Variants in CNTN4 observed in about 807,000 individuals in gnomAD.
CNTN4 encodes contactin-4.
Under a neutral mutation model 122.5 loss-of-function variants are expected in CNTN4, and 77 were observed. That is an observed-to-expected ratio of 0.63 (90% CI 0.52 to 0.76). The LOEUF is 0.76. CNTN4 is among the 30% of genes least tolerant of loss of function. The probability of loss-of-function intolerance (pLI) is 0.00; values close to 1 mark genes in which losing one functional copy is unlikely to be tolerated. For missense variants in CNTN4, 1,256 were observed against 1,259.1 expected (o/e 1.00, Z 0.04); for synonymous variants, 512 against 447.0 (o/e 1.15, Z -1.83).
intron 2 of CNTN4, among the ~76,000 whole-genome samples, chr3:2,253,440 C>G (rs2040451522): frequency 6.6e-6 from 1 of 152,058 alleles, no homozygotes; most frequent in Non-Finnish European, 1.5e-5. Context: ...AACAAAAGAA[C>G]AAATATTCTG....
At chr3:2,179,157 C>T (rs956301918) in intron 2 of CNTN4, among the ~76,000 whole-genome samples, 3 of 151,938 alleles carry the variant, frequency 2.0e-5, no homozygotes, top group African/African-American at 7.3e-5. Flanking sequence ...AACAAAGCTG[C>T]GCTGGTGTGG....
intron 2 of CNTN4, among the ~76,000 whole-genome samples, chr3:2,295,733 T>C (rs956851980): frequency 6.6e-6 from 1 of 152,164 alleles, no homozygotes; most frequent in Non-Finnish European, 1.5e-5. Context: ...TTTGGTGTTT[T>C]AGACATGAAG....
chr3:3,043,683 G>C lies in CNTN4; in HGVS notation c.2790G>C (p.Glu930Asp). The C allele has an allele frequency of 6.2e-7, 1 of 1,613,040 alleles. No homozygotes were observed. The highest frequency in any genetic ancestry group is 2.2e-5 in the East Asian group (1 of 44,880). ...NWDQVKALDN[E>D]SEVKGYKVLY... ...ATCAAGTGAAGGCCCTGGATAATGAGTCGGAAGTAAAAGGATACAAAGTAG... is the reference window on the plus strand; with the variant it reads ...ATCAAGTGAAGGCCCTGGATAATGACTCGGAAGTAAAAGGATACAAAGTAG... The change falls in exon 23 of 25, where the codon GAG becomes GAC. Residue 930 changes from glutamate to aspartate, a missense_variant. By Grantham distance (45) the Glu-to-Asp change is conservative. Coordinates refer to ENST00000418658, the MANE Select transcript of CNTN4 (RefSeq NM_175607.3).
At chr3:2,507,172 T>C (rs1362546457) in intron 3 of CNTN4, among the ~76,000 whole-genome samples, 1 of 152,134 alleles carries the variant, frequency 6.6e-6, no homozygotes, top group East Asian at 1.9e-4. Context: ...GTATTCCAAC[T>C]ATAAGAACCC....
chr3:2,736,742 C>T (rs1254874908), intron 5 of CNTN4, among the ~76,000 whole-genome samples: 2 of 151,788 alleles, frequency 1.3e-5, no homozygotes, highest in Non-Finnish European at 2.9e-5. Context: ...GGATTACAGG[C>T]GTGAGCCACC....
chr3:3,014,084 ACACC>A (rs1697508581), intron 14 of CNTN4, among the ~76,000 whole-genome samples: 2 of 142,448 alleles, frequency 1.4e-5, no homozygotes, highest in Non-Finnish European at 3.1e-5. Flanking sequence ...ACACACACAC[ACACC>A]CCTAGGGGTT....
chr3:2,921,669 G>A (rs1296977241), intron 12 of CNTN4, among the ~76,000 whole-genome samples: 1 of 152,132 alleles, frequency 6.6e-6, no homozygotes, highest in Non-Finnish European at 1.5e-5. Flanking sequence ...CACAGACTGT[G>A]ATAGAACTGG....
chr3:2,752,631 G>A (rs183235077), intron 6 of CNTN4, among the ~76,000 whole-genome samples: 2 of 152,234 alleles, frequency 1.3e-5, no homozygotes, highest in Non-Finnish European at 2.9e-5. Context: ...GATTACAGGC[G>A]TGAGCCACCG....
chr3:2,776,475 C>G (rs1268109898), intron 6 of CNTN4, among the ~76,000 whole-genome samples: 1 of 152,112 alleles, frequency 6.6e-6, no homozygotes, highest in Non-Finnish European at 1.5e-5. Context: ...TAATCTATAA[C>G]AGAAAGTCAG....
chr3:2,925,840 TA>T, intron 13 of CNTN4, 61 bp downstream of exon 13: 1 of 1,438,768 alleles, frequency 7.0e-7, no homozygotes, highest in Non-Finnish European at 9.7e-7. Context: ...GGTCTGTTAT[TA>T]ATAATTCTAA....
At chr3:3,020,267 A>G (rs1055721808) in intron 14 of CNTN4, among the ~76,000 whole-genome samples, 1 of 152,212 alleles carries the variant, frequency 6.6e-6, no homozygotes, top group African/African-American at 2.4e-5. Flanking sequence ...TAGGAACAGA[A>G]CTAGGCACCA....
At chr3:2,981,995 A>G (rs344392) in intron 13 of CNTN4, among the ~76,000 whole-genome samples, 77,195 of 151,906 alleles carry the variant, frequency 0.51, 20,481 homozygotes, top group African/African-American at 0.66. Flanking sequence ...CCGAGATCGT[A>G]CCACTGCACT....
intron 7 of CNTN4, among the ~76,000 whole-genome samples, chr3:2,830,026 A>G (rs1392312103): frequency 6.8e-6 from 1 of 145,990 alleles, no homozygotes; most frequent in African/African-American, 2.7e-5. Context: ...TATTGTTCAG[A>G]AAAAAAATAA....
intron 4 of CNTN4, among the ~76,000 whole-genome samples, chr3:2,585,353 G>T (rs967062175): frequency 6.6e-6 from 1 of 151,192 alleles, no homozygotes; most frequent in African/African-American, 2.4e-5. Context: ...ATACCCAAGG[G>T]ATTATAAATC....
At chr3:3,042,272 G>C in intron 20 of CNTN4, 38 bp from the exon 21 acceptor site, 1 of 1,351,856 alleles carries the variant, frequency 7.4e-7, no homozygotes, top group South Asian at 1.2e-5. Flanking sequence ...TCCTAATATA[G>C]CTGATAGAGT....
chr3:2,293,201 A>AT (rs1444285533), intron 2 of CNTN4, among the ~76,000 whole-genome samples: 1 of 152,126 alleles, frequency 6.6e-6, no homozygotes, highest in Non-Finnish European at 1.5e-5. Context: ...TTTCAAACAT[A>AT]TTTTTGTACA....
At chr3:2,396,525 C>T (rs923354427) in intron 3 of CNTN4, among the ~76,000 whole-genome samples, 9 of 152,092 alleles carry the variant, frequency 5.9e-5, no homozygotes, top group African/African-American at 1.9e-4. Context: ...GACATCCTCA[C>T]GAGCCAGATC....
intron 4 of CNTN4, among the ~76,000 whole-genome samples, chr3:2,576,270 A>C (rs2728056): frequency 0.45 from 69,118 of 152,056 alleles, 18,938 homozygotes; most frequent in East Asian, 0.71. Context: ...AATTCAATAA[A>C]TATTTTTCAA....
At chr3:2,628,523 T>C (rs537594723) in intron 4 of CNTN4, among the ~76,000 whole-genome samples, 11 of 152,218 alleles carry the variant, frequency 7.2e-5, no homozygotes, top group Non-Finnish European at 1.5e-4. Context: ...TTTTGTGCCA[T>C]CTAAGTGACT....
Sources: allele counts gnomAD v4.1 joint callset (sites outside exome capture counted in the v4.1 genomes callset), GRCh38; gene constraint gnomAD v4.1.1; transcripts MANE v1.5; gene names NCBI Gene and HGNC (gene_info 2026-07-23, HGNC 2026-07-21).